Variants in MSRA observed in about 807,000 individuals in gnomAD.
MSRA encodes the protein mitochondrial peptide methionine sulfoxide reductase.
A neutral mutation model predicts 31.3 loss-of-function variants in MSRA; 54 were observed. That is an observed-to-expected ratio of 1.73 (90% CI 1.39 to 2.17). The LOEUF (loss-of-function observed/expected upper bound fraction) is 2.17. MSRA is among the 30% of genes most tolerant of loss of function. MSRA has a pLI of 0.00. For synonymous variants in MSRA, 169 were observed against 116.5 expected (o/e 1.45, Z -2.90); for missense variants, 507 against 300.9 (o/e 1.69, Z -5.07).
intron 2 of MSRA, among the ~76,000 whole-genome samples, chr8:10,230,570 C>G (rs528145510): frequency 6.6e-6 from 1 of 152,256 alleles, no homozygotes; most frequent in East Asian, 1.9e-4. Flanking sequence ...AACCATTATT[C>G]CAATATTTTA....
At chr8:10,172,772 C>G (rs183075194) in intron 1 of MSRA, among the ~76,000 whole-genome samples, 20 of 152,278 alleles carry the variant, frequency 1.3e-4, no homozygotes, top group African/African-American at 4.1e-4. Context: ...ACTCAGGTTG[C>G]CTGTAGCTCA....
chr8:10,319,633 C>G (rs1196767980), intron 4 of MSRA, among the ~76,000 whole-genome samples: 2 of 150,942 alleles, frequency 1.3e-5, no homozygotes, highest in African/African-American at 2.4e-5. Context: ...CTAGTATGAT[C>G]CAAGACCTGT....
intron 5 of MSRA, among the ~76,000 whole-genome samples, chr8:10,362,560 A>C (rs117596300): frequency 1.9e-4 from 28 of 149,990 alleles, no homozygotes; most frequent in Non-Finnish European, 3.8e-4. Context: ...TCTTTGCTCC[A>C]TCCCCTTTCT....
At chr8:10,328,507 G>A (rs981254878) in intron 5 of MSRA, among the ~76,000 whole-genome samples, 1 of 151,896 alleles carries the variant, frequency 6.6e-6, no homozygotes, top group Non-Finnish European at 1.5e-5. Flanking sequence ...CCATGATTAT[G>A]ACCACCCGCA....
intron 1 of MSRA, among the ~76,000 whole-genome samples, chr8:10,073,642 G>C (rs990857815): frequency 1.3e-5 from 2 of 151,480 alleles, no homozygotes; most frequent in Non-Finnish European, 2.9e-5. Flanking sequence ...ACTCTAATTG[G>C]CTAAGACCTA....
chr8:10,191,879 C>A (rs891623022), intron 1 of MSRA, among the ~76,000 whole-genome samples: 1 of 152,040 alleles, frequency 6.6e-6, no homozygotes, highest in Non-Finnish European at 1.5e-5. Context: ...TAAAACTTAG[C>A]AGTTTAAAAC....
At chr8:10,074,954 C>T (rs912405854) in intron 1 of MSRA, among the ~76,000 whole-genome samples, 2 of 152,158 alleles carry the variant, frequency 1.3e-5, no homozygotes, top group African/African-American at 2.4e-5. Context: ...CCACCACGCC[C>T]GGCACCCTGT....
chr8:10,337,966 C>T, intron 5 of MSRA: 1 of 615,268 alleles, frequency 1.6e-6, no homozygotes, highest in Admixed American at 2.5e-5. Flanking sequence ...ACTGGGTGGC[C>T]CAGGAAAGCA....
intron 5 of MSRA, among the ~76,000 whole-genome samples, chr8:10,386,811 C>G (rs1164191891): frequency 6.6e-6 from 1 of 151,300 alleles, no homozygotes; most frequent in Non-Finnish European, 1.5e-5. Context: ...CTAGGGATTC[C>G]TCCTCCGGGA....
chr8:10,326,743 A>T (rs1802384166), intron 5 of MSRA: 1 of 152,200 alleles, frequency 6.6e-6, no homozygotes, highest in Non-Finnish European at 1.5e-5. Flanking sequence ...TGCTTATAGC[A>T]CTAATTGCAA....
chr8:10,130,521 C>T (rs1039841568), intron 1 of MSRA, among the ~76,000 whole-genome samples: 3 of 152,130 alleles, frequency 2.0e-5, no homozygotes, highest in Admixed American at 6.5e-5. Flanking sequence ...TTTTCCCCTC[C>T]GACATTCTTT....
chr8:10,256,981 T>A (rs779200850), intron 3 of MSRA, among the ~76,000 whole-genome samples: 18 of 152,326 alleles, frequency 1.2e-4, no homozygotes, highest in Non-Finnish European at 8.8e-5. Context: ...CTTTCCTTCA[T>A]AATAGCTCAG....
At chr8:10,183,250 A>C (rs571259584) in intron 1 of MSRA, among the ~76,000 whole-genome samples, 33 of 152,316 alleles carry the variant, frequency 2.2e-4, no homozygotes, top group Middle Eastern at 3.4e-3. Flanking sequence ...ACTAGGATGT[A>C]GGAGGTGATA....
At chr8:10,154,249 A>G (rs923913797) in intron 1 of MSRA, among the ~76,000 whole-genome samples, 8 of 151,602 alleles carry the variant, frequency 5.3e-5, no homozygotes, top group African/African-American at 1.9e-4. Flanking sequence ...AGCCATCAAA[A>G]ATACTTACAG....
chr8:10,129,705 C>T (rs559205169), intron 1 of MSRA, among the ~76,000 whole-genome samples: 8 of 152,156 alleles, frequency 5.3e-5, no homozygotes, highest in Non-Finnish European at 1.2e-4. Flanking sequence ...ATCCTTGAGC[C>T]CCTGGAGGTT....
At chr8:10,057,416 A>C (rs1446341174) in intron 1 of MSRA, among the ~76,000 whole-genome samples, 7 of 152,234 alleles carry the variant, frequency 4.6e-5, no homozygotes, top group Admixed American at 3.3e-4. Flanking sequence ...AATAGGCTGC[A>C]GGTAGAAGGC....
chr8:10,403,082 C>A lies in MSRA; in HGVS notation c.544-25066C>A, dbSNP rs779572353. On this transcript the variant is annotated intron_variant, in intron 5 of 5. Coordinates refer to ENST00000317173, the MANE Select transcript of MSRA (RefSeq NM_012331.5). Reference sequence around the variant, plus strand: ...TCTTGGCTCTGGTTTTAGGCACTCACACGTACGAAGCTTGAGATTCTTGTT... The same window carrying A: ...TCTTGGCTCTGGTTTTAGGCACTCAAACGTACGAAGCTTGAGATTCTTGTT... Among the ~76,000 whole-genome samples the A allele has an allele frequency of 6.6e-4, 100 of 152,204 alleles. 1 individual carries two copies. Among genetic ancestry groups the A allele is most frequent in the Non-Finnish European group, 1.8e-4 (12 of 68,034 alleles).
intron 5 of MSRA, chr8:10,337,890 T>G: frequency 1.5e-6 from 1 of 688,214 alleles, no homozygotes; most frequent in Non-Finnish European, 2.7e-6. Flanking sequence ...CACACATTCT[T>G]TGTTATGACA....
intron 1 of MSRA, among the ~76,000 whole-genome samples, chr8:10,060,311 T>G (rs1478777510): frequency 6.6e-6 from 1 of 152,176 alleles, no homozygotes; most frequent in Non-Finnish European, 1.5e-5. Context: ...TGAATGGGTA[T>G]GGAGGGATTG....
Sources: gnomAD v4.1 joint callset for allele counts (sites outside exome capture counted in the v4.1 genomes callset) on GRCh38, gnomAD v4.1.1 for gene constraint, MANE v1.5 for transcripts, NCBI Gene and HGNC (gene_info 2026-07-23, HGNC 2026-07-21) for gene names.